Variants in STAG1 observed in about 807,000 individuals in gnomAD.
STAG1 encodes cohesin subunit SA-1.
A neutral mutation model predicts 170.9 loss-of-function variants in STAG1; 26 were observed. The observed-to-expected ratio is 0.15, with a 90% CI of 0.11 to 0.21. The LOEUF (loss-of-function observed/expected upper bound fraction) is 0.21, where lower values mean the gene tolerates loss of function less well. STAG1 is among the 10% of genes least tolerant of loss of function. The pLI is 1.00. For synonymous variants in STAG1, 514 were observed against 497.7 expected, an observed-to-expected ratio of 1.03 and a Z score of -0.44; for missense variants, 964 against 1,509.5, an observed-to-expected ratio of 0.64 and a Z score of 5.99.
chr3:136,430,810 C>G (rs377485580), intron 16 of STAG1, among the ~76,000 whole-genome samples: 40 of 69,566 alleles, frequency 5.7e-4, no homozygotes, highest in Middle Eastern at 6.4e-3. Flanking sequence ...TAGACAGACA[C>G]ACACACACAC....
In STAG1 at chr3:136,737,861, G is replaced by A. The variant is rs1346291355; in HGVS notation, c.-84+14334C>T. On this transcript the variant is annotated intron_variant, in intron 1 of 33. Transcript: ENST00000383202. ...GAGGCGGGCGGATCTCAAGGTCAGG[G>A]GTTCAAGACCAGCCTGACTAACATG... Among the ~76,000 whole-genome samples, 400 of 151,868 alleles carry A rather than the reference G, an allele frequency of 2.6e-3. 2 individuals are homozygous for A. The highest frequency in any genetic ancestry group is 9.4e-3 in the African/African-American group (389 of 41,416).
intron 1 of STAG1, among the ~76,000 whole-genome samples, chr3:136,709,630 G>T (rs761517251): frequency 6.6e-6 from 1 of 150,518 alleles, no homozygotes; most frequent in Non-Finnish European, 1.5e-5. Flanking sequence ...GGCTACTAGG[G>T]AGACTGAGGT....
At chr3:136,511,113 T>C (rs1934043949) in intron 7 of STAG1, among the ~76,000 whole-genome samples, 1 of 152,162 alleles carries the variant, frequency 6.6e-6, no homozygotes, top group Non-Finnish European at 1.5e-5. Flanking sequence ...TTTCCCCTGC[T>C]TGCACTCACT....
chr3:136,446,679 T>C (rs2088789796), intron 14 of STAG1, among the ~76,000 whole-genome samples: 1 of 152,034 alleles, frequency 6.6e-6, no homozygotes, highest in East Asian at 1.9e-4. Flanking sequence ...CGCCTCATCC[T>C]CCCAAAGTGT....
At chr3:136,403,402 A>G (rs975884695) in intron 21 of STAG1, among the ~76,000 whole-genome samples, 7 of 152,080 alleles carry the variant, frequency 4.6e-5, no homozygotes, top group African/African-American at 1.2e-4. Context: ...GTCAGAATGC[A>G]GAAAATAGAC....
chr3:136,582,356 G>A, intron 4 of STAG1, among the ~76,000 whole-genome samples: 1 of 152,194 alleles, frequency 6.6e-6, no homozygotes, highest in Non-Finnish European at 1.5e-5. Flanking sequence ...TGTTTCACAT[G>A]TAACAGATGC....
intron 1 of STAG1, among the ~76,000 whole-genome samples, chr3:136,645,646 A>G (rs982197064): frequency 6.6e-6 from 1 of 152,238 alleles, no homozygotes; most frequent in Non-Finnish European, 1.5e-5. Flanking sequence ...GGGTAAACCC[A>G]AGGTCTTGGA....
At chr3:136,615,145 T>C (rs1576670693) in intron 3 of STAG1, among the ~76,000 whole-genome samples, 1 of 151,726 alleles carries the variant, frequency 6.6e-6, no homozygotes, top group Non-Finnish European at 1.5e-5. Context: ...AGAATTAGTA[T>C]TAGTAAGATT....
intron 7 of STAG1, among the ~76,000 whole-genome samples, chr3:136,508,866 G>T (rs1933903639): frequency 6.6e-6 from 1 of 152,236 alleles, no homozygotes; most frequent in Non-Finnish European, 1.5e-5. Flanking sequence ...ACGTGTGTGT[G>T]TGTCTGTGTG....
intron 5 of STAG1, among the ~76,000 whole-genome samples, chr3:136,551,208 TG>T (rs1936371832): frequency 2.2e-5 from 1 of 44,498 alleles, no homozygotes; most frequent in Non-Finnish European, 3.6e-5. Flanking sequence ...TGAGAGAGAG[TG>T]AGAGAGAGAG....
intron 22 of STAG1, among the ~76,000 whole-genome samples, chr3:136,390,681 T>C (rs2086985820): frequency 6.6e-6 from 1 of 152,222 alleles, no homozygotes; most frequent in Non-Finnish European, 1.5e-5. Context: ...AGGATCACTA[T>C]TATTTCTCAC....
chr3:136,414,495 G>C (rs1371091481), intron 21 of STAG1, among the ~76,000 whole-genome samples: 1 of 152,126 alleles, frequency 6.6e-6, no homozygotes. Context: ...TCTAATTCTA[G>C]CTCTCTTGCT....
chr3:136,375,765 T>C (rs1029875026), intron 23 of STAG1, among the ~76,000 whole-genome samples: 4 of 151,258 alleles, frequency 2.6e-5, no homozygotes, highest in African/African-American at 4.9e-5. Context: ...GGTCAGGAGT[T>C]TGAGACCAGC....
chr3:136,369,208 C>G lies in STAG1; in HGVS notation c.2445G>C (p.Gln815His), dbSNP rs549716315. The change falls in exon 24 of 34, where the codon CAG becomes CAC. Residue 815 changes from glutamine to histidine, a missense_variant. By Grantham distance (24) the Gln-to-His change is conservative (BLOSUM62 0). Coordinates refer to ENST00000383202, the MANE Select transcript of STAG1 (RefSeq NM_005862.3). ...QLMTGGREGLQPLVFNPDTGL... is the reference protein window; with the variant it reads ...QLMTGGREGLHPLVFNPDTGL... Reference sequence around the variant, plus strand: ...CAGTATCTGGATTGAACACCAAAGGCTGAAGGCCCTCTCTGCCACCTGTCA... The same window carrying G: ...CAGTATCTGGATTGAACACCAAAGGGTGAAGGCCCTCTCTGCCACCTGTCA... 31 of 1,605,152 alleles carry G rather than the reference C, an allele frequency of 1.9e-5. No individual in the cohort carries two copies. Among genetic ancestry groups the G allele is most frequent in the Non-Finnish European group, 2.5e-5 (30 of 1,177,862 alleles).
At chr3:136,470,228 T>A (rs2089589048) in intron 12 of STAG1, among the ~76,000 whole-genome samples, 1 of 152,194 alleles carries the variant, frequency 6.6e-6, no homozygotes, top group African/African-American at 2.4e-5. Flanking sequence ...ATTTTCACAA[T>A]CTACTCATCT....
At chr3:136,619,691 A>C (rs1939753398) in intron 3 of STAG1, among the ~76,000 whole-genome samples, 1 of 130,432 alleles carries the variant, frequency 7.7e-6, no homozygotes, top group Non-Finnish European at 1.6e-5. Context: ...TGGGAGGCAG[A>C]GGTTGCAGTG....
At chr3:136,354,211 T>C (rs1377511730) in intron 28 of STAG1, among the ~76,000 whole-genome samples, 1 of 152,140 alleles carries the variant, frequency 6.6e-6, no homozygotes, top group East Asian at 1.9e-4. Context: ...ATAACAAGAA[T>C]AGCCAAAAAA....
chr3:136,713,282 GAC>G (rs1943433243), intron 1 of STAG1, among the ~76,000 whole-genome samples: 1 of 151,834 alleles, frequency 6.6e-6, no homozygotes, highest in Admixed American at 6.6e-5. Flanking sequence ...AAGGAAGCAA[GAC>G]ACAAAAAATA....
At position 136,473,643 on chromosome 3, in the gene STAG1, GA is replaced by G. The variant is rs778603480; in HGVS notation, c.1027-7del. 26 of 1,605,308 alleles carry G rather than the reference GA, an allele frequency of 1.6e-5. No homozygotes were observed. Among genetic ancestry groups the G allele is most frequent in the Non-Finnish European group, 2.1e-5 (25 of 1,174,236 alleles). ...TTCAGCCTGACTTCCCCTTGCTTCAGAAATACAAATAAAAGCACAACAGAAG... is the reference window on the plus strand; with the variant it reads ...TTCAGCCTGACTTCCCCTTGCTTCAGAATACAAATAAAAGCACAACAGAAG... On this transcript the variant is annotated splice_polypyrimidine_tract_variant and splice_region_variant and intron_variant, in intron 10 of 33. Transcript: ENST00000383202.
Sources: gnomAD v4.1 joint callset for allele counts (sites outside exome capture counted in the v4.1 genomes callset) on GRCh38, gnomAD v4.1.1 for gene constraint, MANE v1.5 for transcripts, NCBI Gene and HGNC (gene_info 2026-07-23, HGNC 2026-07-21) for gene names.